The following NLGN4X variants were observed in gnomAD, a reference collection of about 807,000 sequenced individuals.
The protein encoded by NLGN4X is neuroligin 4 X-linked.
NLGN4X carries 3 observed loss-of-function variants against 40.3 expected under a neutral mutation model. The ratio of observed to expected loss-of-function variants is 0.07; its 90% CI spans 0.03 to 0.19. NLGN4X has a LOEUF of 0.19. Among genes scored for constraint, NLGN4X ranks in the 10% least tolerant of loss-of-function variants. The probability of loss-of-function intolerance (pLI) is 1.00; values close to 1 mark genes in which losing one functional copy is unlikely to be tolerated. For synonymous variants in NLGN4X, 270 were observed against 306.8 expected (o/e 0.88, Z 1.25); for missense variants, 382 against 708.3 (o/e 0.54, Z 5.23).
In NLGN4X at chrX:6,132,631, C is replaced by T. The variant is rs1189475112; in HGVS notation, c.472+18364G>A. On this transcript the variant is annotated intron_variant, in intron 2 of 5. Transcript: ENST00000381095. ...TGCTATGCCTAATAACATTCTTCCA[C>T]GTCTTCAAAATGCCATTGGAAATAT... is the stretch of plus-strand genomic sequence containing the variant. Among the ~76,000 whole-genome samples the T allele has an allele frequency of 5.4e-5, 6 of 111,684 alleles. No individual in the cohort carries two copies. In the East Asian group the frequency reaches 1.7e-3, roughly 32 times the overall value.
chrX:6,191,208 T>C (rs1036422588), intron 1 of NLGN4X, among the ~76,000 whole-genome samples: 4 of 111,096 alleles, frequency 3.6e-5, no homozygotes, highest in African/African-American at 1.3e-4. Flanking sequence ...AGGTTAATGA[T>C]TACCAATAAT....
intron 5 of NLGN4X, among the ~76,000 whole-genome samples, chrX:5,895,276 T>G (rs1263065170): frequency 1.3e-4 from 15 of 111,671 alleles, no homozygotes; most frequent in Non-Finnish European, 3.8e-5. Flanking sequence ...CTCCTCTACA[T>G]GGCTGATGAA....
In NLGN4X at chrX:5,969,724, C is replaced by T. The variant is rs754158819; in HGVS notation, c.625+59556G>A. On this transcript the variant is annotated intron_variant, in intron 3 of 5. Transcript: ENST00000381095. ...ATGCTGCTATAAAGACACATGCACA[C>T]GTATGTTTATTGCGTCACTATTCGT... 4.2e-4 allele frequency among the ~76,000 whole-genome samples: 46 copies of T among 110,460 alleles called. No homozygotes were observed. In the East Asian group the frequency reaches 0.011, roughly 26 times the overall value.
intron 3 of NLGN4X, among the ~76,000 whole-genome samples, chrX:6,001,525 G>A (rs2035969057): frequency 8.9e-6 from 1 of 112,123 alleles, no homozygotes; most frequent in African/African-American, 3.2e-5. Flanking sequence ...TTTTTCACCT[G>A]CAGAATGAAG....
chrX:6,049,630 C>A (rs1250294331), intron 2 of NLGN4X, among the ~76,000 whole-genome samples: 1 of 106,591 alleles, frequency 9.4e-6, no homozygotes, highest in Non-Finnish European at 1.9e-5. Flanking sequence ...TTTTCTCCTG[C>A]TGATCTGTCC....
intron 2 of NLGN4X, among the ~76,000 whole-genome samples, chrX:6,032,224 AG>A (rs1344174213): frequency 0.016 from 129 of 8,272 alleles, 1 homozygote; most frequent in African/African-American, 0.029. Flanking sequence ...CTGATATTTC[AG>A]CCCCCCCCCC....
At chrX:6,149,825 A>G (rs190196230) in intron 2 of NLGN4X, among the ~76,000 whole-genome samples, 2 of 111,455 alleles carry the variant, frequency 1.8e-5, no homozygotes, top group Admixed American at 1.9e-4. Context: ...CTCTACTTAA[A>G]CTATCTGGCA....
At chrX:5,941,383 C>T (rs373282903) in intron 3 of NLGN4X, among the ~76,000 whole-genome samples, 39 of 111,184 alleles carry the variant, frequency 3.5e-4, no homozygotes, top group African/African-American at 1.2e-3. Context: ...TTGCTTCTGA[C>T]AACTGAACTC....
At chrX:6,075,093 G>A (rs150045017) in intron 2 of NLGN4X, among the ~76,000 whole-genome samples, 303 of 111,691 alleles carry the variant, frequency 2.7e-3, no homozygotes, top group African/African-American at 9.4e-3. Flanking sequence ...CTGCATGCCA[G>A]GCATTGTACT....
chrX:6,193,160 G>T (rs1486297132), intron 1 of NLGN4X, among the ~76,000 whole-genome samples: 1 of 110,387 alleles, frequency 9.1e-6, no homozygotes, highest in Non-Finnish European at 1.9e-5. Context: ...GGTGGCTCAC[G>T]CCTGTAATCC....
At chrX:6,186,707 CTT>C (rs774881928) in intron 1 of NLGN4X, 34 of 111,736 alleles carry the variant, frequency 3.0e-4, no homozygotes, top group Non-Finnish European at 4.1e-4. Flanking sequence ...TGTTAAAAGT[CTT>C]TGTTTTTCTC....
chrX:6,181,175 T>C lies in NLGN4X; in HGVS notation c.-305-29404A>G, dbSNP rs369447481. ...GGCATCTGAAACTCTCTACCTCTTT[T>C]GACAAGTGTGTATGGATGTAAATAA... On this transcript the variant is annotated intron_variant, in intron 1 of 5. Transcript: ENST00000381095. 8.1e-5 allele frequency among the ~76,000 whole-genome samples: 9 copies of C among 111,308 alleles called. No homozygotes were observed. The East Asian group carries it at 2.3e-3, about 28-fold the overall frequency.
At chrX:6,061,230 C>A (rs898264261) in intron 2 of NLGN4X, among the ~76,000 whole-genome samples, 3 of 111,290 alleles carry the variant, frequency 2.7e-5, no homozygotes, top group Non-Finnish European at 5.7e-5. Flanking sequence ...CACAGTCAAC[C>A]CTTAGCGAAC....
intron 3 of NLGN4X, among the ~76,000 whole-genome samples, chrX:5,988,997 G>A (rs1029489535): frequency 9.1e-6 from 1 of 110,105 alleles, no homozygotes; most frequent in Non-Finnish European, 1.9e-5. Context: ...GAACCTGTGA[G>A]GTGGAGGTTA....
chrX:6,146,671 CT>C (rs764804599), intron 2 of NLGN4X, among the ~76,000 whole-genome samples: 230 of 98,525 alleles, frequency 2.3e-3, no homozygotes, highest in African/African-American at 8.6e-3. Flanking sequence ...TTTTTAATAT[CT>C]TCCTTTTTCA....
At position 5,918,037 on chromosome X, in the gene NLGN4X, G is replaced by A. The variant is rs139015201; in HGVS notation, c.626-8798C>T. Among the ~76,000 whole-genome samples, 108 of 111,756 alleles carry A rather than the reference G, an allele frequency of 9.7e-4. 4 individuals are homozygous for A. The East Asian group carries it at 0.028, about 29-fold the overall frequency. On this transcript the variant is annotated intron_variant, in intron 3 of 5. Transcript: ENST00000381095. ...CTTTTACTTATGCTATGAGATTTAC[G>A]GCAAATGCTCATTCAACAATGTATG... is the stretch of plus-strand genomic sequence containing the variant.
chrX:6,095,095 G>A (rs1032080860), intron 2 of NLGN4X, among the ~76,000 whole-genome samples: 1 of 20,291 alleles, frequency 4.9e-5, no homozygotes, highest in Non-Finnish European at 8.7e-5. Flanking sequence ...CTTTAAGTAC[G>A]TGCGTGCGTG....
chrX:6,225,606 CCACA>C (rs781228322), intron 1 of NLGN4X, among the ~76,000 whole-genome samples: 2 of 103,895 alleles, frequency 1.9e-5, no homozygotes, highest in Non-Finnish European at 3.9e-5. Context: ...CGCAGAACGC[CCACA>C]CAAACTGGCA....
chrX:6,061,809 T>C (rs1481917205), intron 2 of NLGN4X: 2 of 111,650 alleles, frequency 1.8e-5, no homozygotes, highest in South Asian at 3.8e-4. Context: ...AATGCCTTTT[T>C]CCCCCCTTCA....
Sources: gnomAD v4.1 joint callset for allele counts (sites outside exome capture counted in the v4.1 genomes callset) on GRCh38, gnomAD v4.1.1 for gene constraint, MANE v1.5 for transcripts, NCBI Gene and HGNC (gene_info 2026-07-23, HGNC 2026-07-21) for gene names.